Variants in MYCBP2 observed in about 807,000 individuals in gnomAD.
The protein encoded by MYCBP2 is MYC binding protein 2.
MYCBP2 carries 120 observed loss-of-function variants against 525.3 expected under a neutral mutation model. The observed-to-expected ratio is 0.23, with a 90% CI of 0.20 to 0.27. The LOEUF (loss-of-function observed/expected upper bound fraction) is 0.27, where lower values mean the gene tolerates loss of function less well. MYCBP2 is among the 10% of genes least tolerant of loss of function. The probability of loss-of-function intolerance (pLI) is 1.00; values close to 1 mark genes in which losing one functional copy is unlikely to be tolerated. For synonymous variants in MYCBP2, 1,894 were observed against 1,955.8 expected (o/e 0.97, Z 0.83); for missense variants, 4,149 against 5,657.1 (o/e 0.73, Z 8.55).
At chr13:77,056,294 G>T (rs2038034738) in intron 79 of MYCBP2, among the ~76,000 whole-genome samples, 1 of 152,034 alleles carries the variant, frequency 6.6e-6, no homozygotes, top group East Asian at 1.9e-4. Flanking sequence ...CAATCTTTTT[G>T]ATTATTCCTC....
chr13:77,045,422 A>T lies in MYCBP2; in HGVS notation c.13993T>A (p.Phe4665Ile), dbSNP rs1194002017. 6.2e-7 allele frequency: 1 copy of T among 1,613,970 alleles called. No individual in the cohort carries two copies. The highest frequency in any genetic ancestry group is 8.5e-7 in the Non-Finnish European group (1 of 1,179,976). ...CTGCACACTCCACATCCCAGAGCAA[A>T]CTCTTCCCCAGTGGGTGGATGAACA... The part of the protein sequence containing the change: ...HVVHPPTGEE[F>I]ALGCGVCRNA... The change falls in exon 83 of 83, where the codon TTT becomes ATT. Residue 4665 changes from phenylalanine (F) to isoleucine (I), a missense_variant. Physicochemically the swap from Phe to Ile is conservative, Grantham distance 21. Around this residue, in one of 21 missense-constraint regions of MYCBP2, gnomAD observed 45 missense variants for 130.1 expected, o/e 0.35. Coordinates refer to ENST00000544440, the MANE Select transcript of MYCBP2 (RefSeq NM_015057.5).
intron 26 of MYCBP2, among the ~76,000 whole-genome samples, chr13:77,200,831 C>T (rs1223577944): frequency 2.0e-5 from 3 of 152,028 alleles, no homozygotes; most frequent in Admixed American, 6.6e-5. Context: ...ACTTTACAGA[C>T]AAGCAAATGC....
intron 52 of MYCBP2, chr13:77,129,204 G>T: frequency 2.5e-6 from 1 of 397,908 alleles, no homozygotes; most frequent in South Asian, 1.3e-4. Context: ...CCAAATCCCT[G>T]ACTCCTTGGC....
chr13:77,301,116 T>C (rs1296488799), intron 1 of MYCBP2, among the ~76,000 whole-genome samples: 1 of 152,054 alleles, frequency 6.6e-6, no homozygotes, highest in Non-Finnish European at 1.5e-5. Flanking sequence ...TGAAGGATGA[T>C]AGAGAGGCTG....
chr13:77,126,078 A>G (rs780958879), intron 53 of MYCBP2, among the ~76,000 whole-genome samples: 11 of 152,240 alleles, frequency 7.2e-5, no homozygotes, highest in Non-Finnish European at 1.2e-4. Context: ...ATATGTGCAA[A>G]TACCAAACAT....
Position 77,098,748 on chromosome 13 carries a change from C to T in MYCBP2, c.8406G>A (p.Gly2802=), listed in dbSNP as rs369585749. The change falls in exon 56 of 83, where the codon GGG becomes GGA. Residue 2802 remains glycine, a synonymous_variant. Coordinates refer to ENST00000544440, the MANE Select transcript of MYCBP2 (RefSeq NM_015057.5). ...CAGCTCTGGAGCTAGAAGGCATCCT[C>T]CCATCAGATTTCAATGTCTGCAAGG... ...HNTLQTLKSD[G]RMPSSSRAES... The T allele has an allele frequency of 9.8e-5, 158 of 1,613,346 alleles. No individual in the cohort carries two copies. The highest frequency in any genetic ancestry group is 2.2e-5 in the East Asian group (1 of 44,874).
At chr13:77,222,384 T>A (rs1268375513) in intron 20 of MYCBP2, among the ~76,000 whole-genome samples, 1 of 141,046 alleles carries the variant, frequency 7.1e-6, no homozygotes, top group African/African-American at 2.4e-5. Context: ...AGTATCAATT[T>A]TATGTTTCAG....
chr13:77,244,088 C>A (rs1452375977), intron 15 of MYCBP2, 137 bp from the exon 16 acceptor site: 8 of 937,490 alleles, frequency 8.5e-6, no homozygotes, highest in Non-Finnish European at 1.2e-5. Flanking sequence ...CTCTTTAGAT[C>A]ACGATTGTTC....
rs567974294 is a variant in MYCBP2, at chr13:77,210,349, C to T, written c.3416+818G>A. 1.6e-3 allele frequency among the ~76,000 whole-genome samples: 243 copies of T among 151,900 alleles called. 1 individual carries two copies. Among genetic ancestry groups the T allele is most frequent in the African/African-American group, 5.5e-3 (227 of 41,440 alleles). ...CTGGGATTACAGGTGCCCGCCACCACGCCCGGCTAATTTTTCGTATTTTTA... is the reference window on the plus strand; with the variant it reads ...CTGGGATTACAGGTGCCCGCCACCATGCCCGGCTAATTTTTCGTATTTTTA... On this transcript the variant is annotated intron_variant, in intron 23 of 82. Coordinates refer to ENST00000544440, the MANE Select transcript of MYCBP2 (RefSeq NM_015057.5).
At chr13:77,247,357 A>G (rs868790486) in intron 15 of MYCBP2, among the ~76,000 whole-genome samples, 2 of 152,350 alleles carry the variant, frequency 1.3e-5, no homozygotes, top group South Asian at 4.1e-4. Flanking sequence ...CCATAGCATC[A>G]AAAAGAATAC....
chr13:77,308,024 C>A (rs1360689157), intron 1 of MYCBP2, among the ~76,000 whole-genome samples: 1 of 152,142 alleles, frequency 6.6e-6, no homozygotes, highest in Non-Finnish European at 1.5e-5. Context: ...TAGTTACAAA[C>A]CTTGTTCAAT....
At chr13:77,314,942 TA>T (rs1236296989) in intron 1 of MYCBP2, among the ~76,000 whole-genome samples, 3 of 152,008 alleles carry the variant, frequency 2.0e-5, no homozygotes, top group African/African-American at 7.2e-5. Flanking sequence ...ATATTTTTTT[TA>T]AAAAAGGAGG....
At chr13:77,142,959 C>T (rs2054920652) in intron 49 of MYCBP2, among the ~76,000 whole-genome samples, 1 of 152,180 alleles carries the variant, frequency 6.6e-6, no homozygotes, top group Non-Finnish European at 1.5e-5. Context: ...AGATACTCAT[C>T]CCAAACCAGG....
Position 77,181,914 on chromosome 13 carries a change from T to C in MYCBP2, c.4728A>G (p.Gln1576=), listed in dbSNP as rs1029394179. The C allele has an allele frequency of 2.5e-6, 4 of 1,613,118 alleles. No individual in the cohort carries two copies. The highest frequency in any genetic ancestry group is 2.5e-6 in the Non-Finnish European group (3 of 1,179,834). The change falls in exon 33 of 83, where the codon CAA becomes CAG. Residue 1576 remains glutamine (Q), a synonymous_variant. Coordinates refer to ENST00000544440, the MANE Select transcript of MYCBP2 (RefSeq NM_015057.5). ...TACTTGATGTCTTGAAGTTTGCTTC[T>C]TGGATATCCTTTTAAAAACAAAAAT... is the stretch of plus-strand genomic sequence containing the variant. ...DLLNCLDQDI[Q]EANFKTSSSR...
intron 1 of MYCBP2, among the ~76,000 whole-genome samples, chr13:77,317,834 G>T (rs957269794): frequency 6.6e-6 from 1 of 152,136 alleles, no homozygotes; most frequent in Non-Finnish European, 1.5e-5. Flanking sequence ...CAACTCAGGA[G>T]GCTGAGGTAG....
intron 39 of MYCBP2, 30 bp downstream of exon 39, chr13:77,169,584 C>A: frequency 3.9e-6 from 6 of 1,554,866 alleles, no homozygotes; most frequent in African/African-American, 1.4e-5. Flanking sequence ...TTAAAAAAAA[C>A]ATTCAAAGTT....
chr13:77,134,579 TAAC>T (rs1202197402), intron 52 of MYCBP2, among the ~76,000 whole-genome samples: 9 of 141,570 alleles, frequency 6.4e-5, no homozygotes, highest in Middle Eastern at 3.6e-3. Flanking sequence ...ACAACAAAAA[TAAC>T]AAAAAAAAAA....
chr13:77,187,870 T>A (rs1310820488), intron 30 of MYCBP2, among the ~76,000 whole-genome samples: 1 of 151,834 alleles, frequency 6.6e-6, no homozygotes, highest in Non-Finnish European at 1.5e-5. Flanking sequence ...GGTCAGGGGT[T>A]CGAGACCACC....
At chr13:77,139,489 GA>G (rs916011073) in intron 51 of MYCBP2, among the ~76,000 whole-genome samples, 153 bp from the exon 52 acceptor site, 3 of 150,680 alleles carry the variant, frequency 2.0e-5, no homozygotes, top group Admixed American at 6.6e-5. Flanking sequence ...ACCCTCCAGG[GA>G]AAAAAAAAGC....
Sources: allele counts gnomAD v4.1 joint callset (sites outside exome capture counted in the v4.1 genomes callset), GRCh38; gene constraint gnomAD v4.1.1; regional missense constraint gnomAD v4.1.1; transcripts MANE v1.5; gene names NCBI Gene and HGNC (gene_info 2026-07-23, HGNC 2026-07-21).